The following EML2 variants were observed in gnomAD, a reference collection of about 807,000 sequenced individuals.
EML2 encodes the protein EMAP like 2.
Under a neutral mutation model 84.7 loss-of-function variants are expected in EML2, and 59 were observed. That is an observed-to-expected ratio of 0.70 (90% confidence interval 0.56 to 0.86). The LOEUF is 0.86. EML2 is among the 40% of genes least tolerant of loss of function. The pLI, the probability that EML2 is intolerant of heterozygous loss-of-function variation, is 0.00. For synonymous variants in EML2, 352 were observed against 348.9 expected (o/e 1.01, Z -0.10); for missense variants, 818 against 855.6 (o/e 0.96, Z 0.55).
At chr19:45,627,847 A>G (rs1024036591) in intron 7 of EML2, among the ~76,000 whole-genome samples, 3 of 151,448 alleles carry the variant, frequency 2.0e-5, no homozygotes, top group Non-Finnish European at 2.9e-5. Flanking sequence ...GGATCACCTG[A>G]GGTCGGGAGT....
At chr19:45,633,227 GGTTGA>G in intron 4 of EML2, 88 bp from the exon 5 acceptor site, 1 of 1,360,618 alleles carries the variant, frequency 7.3e-7, no homozygotes, top group Non-Finnish European at 1.0e-6. Flanking sequence ...CAAATTGGCT[GGTTGA>G]GTTTAGTCAA....
chr19:45,642,090 GC>G, upstream of EML2: 8 of 1,457,650 alleles, frequency 5.5e-6, no homozygotes, highest in Non-Finnish European at 6.3e-6. Context: ...TAAGGACCAG[GC>G]CCCGGTCCTC....
intron 6 of EML2, among the ~76,000 whole-genome samples, chr19:45,630,865 TA>T (rs1972948815): frequency 6.6e-6 from 1 of 152,176 alleles, no homozygotes; most frequent in African/African-American, 2.4e-5. Flanking sequence ...TATTTTATTT[TA>T]TTTTTTGAGA....
chr19:45,638,400 C>T lies in EML2; in HGVS notation c.179+105G>A, dbSNP rs971898962. On this transcript the variant is annotated intron_variant, in intron 3 of 18. Transcript: ENST00000245925. ...CAGGTCTCAAACTCTTGGCCTCAAA[C>T]GATCCTCCCAAAGTGCTGAGATTAC... 6.5e-6 allele frequency: 10 copies of T among 1,539,890 alleles called. No individual in the cohort carries two copies. In the African/African-American group the frequency reaches 9.5e-5, roughly 15 times the overall value.
chr19:45,612,627 T>C (rs1339105865), intron 18 of EML2, among the ~76,000 whole-genome samples: 2 of 152,018 alleles, frequency 1.3e-5, no homozygotes, highest in Non-Finnish European at 2.9e-5. Flanking sequence ...TGAGCCGAGA[T>C]TGTGCCATGC....
intron 17 of EML2, among the ~76,000 whole-genome samples, chr19:45,614,358 T>C (rs1217667617): frequency 6.6e-6 from 1 of 152,240 alleles, no homozygotes; most frequent in Non-Finnish European, 1.5e-5. Context: ...CCTGAATGAA[T>C]GGGTGGCTAG....
At chr19:45,621,691 C>T in intron 9 of EML2, 54 bp from the exon 10 acceptor site, 4 of 1,554,222 alleles carry the variant, frequency 2.6e-6, no homozygotes, top group Non-Finnish European at 2.6e-6. Flanking sequence ...CTATGCTGAC[C>T]CCTGAAAGCA....
At chr19:45,636,469 G>A (rs1486902450) in intron 3 of EML2, among the ~76,000 whole-genome samples, 1 of 152,084 alleles carries the variant, frequency 6.6e-6, no homozygotes, top group Non-Finnish European at 1.5e-5. Flanking sequence ...CCTCCAGGAA[G>A]CCCTCCATGA....
At chr19:45,619,416 T>C in intron 11 of EML2, 1 of 397,650 alleles carries the variant, frequency 2.5e-6, no homozygotes, top group Non-Finnish European at 4.5e-6. Flanking sequence ...CAGGGACCTC[T>C]GCTTTCTTCT....
chr19:45,624,851 C>T (rs1972120458), intron 8 of EML2, 33 bp from the exon 9 acceptor site: 16 of 1,522,266 alleles, frequency 1.1e-5, no homozygotes, highest in Non-Finnish European at 1.4e-5. Flanking sequence ...GGTGTCAGAG[C>T]GTCACTGAAG....
upstream of EML2, chr19:45,643,591 C>G (rs1974794516): frequency 6.5e-7 from 1 of 1,536,162 alleles, no homozygotes; most frequent in Non-Finnish European, 8.7e-7. Flanking sequence ...AGACTCATTG[C>G]TGACCACAAC....
rs528411722 is a variant in EML2 at position 45,619,113 on chromosome 19, C to T, written c.1201G>A (p.Val401Met). 2.1e-5 allele frequency: 34 copies of T among 1,613,426 alleles called. 2 individuals are homozygous for T. The South Asian group carries it at 3.5e-4, about 17-fold the overall frequency. The change falls in exon 12 of 19, where the codon GTG (valine) becomes ATG (methionine). Residue 401 changes from valine to methionine, a missense_variant. Coordinates refer to ENST00000245925, the MANE Select transcript of EML2 (RefSeq NM_012155.4). The part of the protein sequence containing the change: ...QFVTCGQDKL[V>M]HLWSSDSHQP... ...TGGGAATCTGAGCTCCATAGATGCA[C>T]CAGCTTATCCTGCCCGCAGGTCACA...
chr19:45,627,053 G>A (rs948569304), intron 7 of EML2, among the ~76,000 whole-genome samples: 1 of 150,652 alleles, frequency 6.6e-6, no homozygotes, highest in African/African-American at 2.4e-5. Flanking sequence ...TCCGCCTCCT[G>A]GGTTCAAGCG....
intron 2 of EML2, 105 bp downstream of exon 2, chr19:45,638,740 G>A: frequency 6.3e-7 from 1 of 1,587,042 alleles, no homozygotes; most frequent in East Asian, 2.2e-5. Context: ...GGAAACTGAG[G>A]CCAGAGAGGC....
Position 45,617,671 on chromosome 19 carries a change from G to T in EML2, c.1281C>A (p.His427Gln). 6.2e-7 allele frequency: 1 copy of T among 1,613,968 alleles called. No homozygotes were observed. Among genetic ancestry groups the T allele is most frequent in the Non-Finnish European group, 8.5e-7 (1 of 1,179,926 alleles). ...IEDPARSAGF[H>Q]PSGSVLAVGT... ...CCACAGCCAGGACAGAGCCACTGGG[G>T]TGGAAGCCGGCTGAGCGGGCAGGGT... Residue 427 changes from histidine (H) to glutamine (Q), a missense_variant, in exon 13 of 19, where the codon CAC (histidine) becomes CAA (glutamine). Coordinates refer to ENST00000245925, the MANE Select transcript of EML2 (RefSeq NM_012155.4).
chr19:45,619,103 C>T lies in EML2; in HGVS notation c.1211G>A (p.Trp404Ter). 1 of 1,613,548 alleles carries T rather than the reference C, an allele frequency of 6.2e-7. No individual in the cohort carries two copies. Among genetic ancestry groups the T allele is most frequent in the Non-Finnish European group, 8.5e-7 (1 of 1,179,876 alleles). The stretch of plus-strand genomic sequence containing the variant: ...CAGGGGCTGGTGGGAATCTGAGCTC[C>T]ATAGATGCACCAGCTTATCCTGCCC... ...TCGQDKLVHL[W>*]SSDSHQPLWS... The change falls in exon 12 of 19, where the codon TGG becomes TAG. Residue 404 changes from tryptophan (W) to a stop codon, truncating the protein, a stop_gained. Transcript: ENST00000245925. LOFTEE classifies it high-confidence loss of function.
At chr19:45,615,588 C>A (rs1048138077) in intron 16 of EML2, among the ~76,000 whole-genome samples, 1 of 151,250 alleles carries the variant, frequency 6.6e-6, no homozygotes, top group Non-Finnish European at 1.5e-5. Context: ...AAGAAACCTG[C>A]ATCCTACCCA....
rs148851431 is a variant in EML2, at chr19:45,618,872, G to A, written c.1254+188C>T. The A allele has an allele frequency of 4.4e-3, 1,957 of 446,978 alleles. 10 individuals carry two copies. Among genetic ancestry groups the A allele is most frequent in the Non-Finnish European group, 6.2e-3 (1,652 of 265,960 alleles). 27.7% of individuals were successfully genotyped at this position (446,978 alleles called of 1,614,324 possible). ...TGAGGCAGAAGAATCACTTGAACCC[G>A]GGAGGCGGAGGTTGCAGTGAGCCGA... is the stretch of plus-strand genomic sequence containing the variant. On this transcript the variant is annotated intron_variant, in intron 12 of 18. Coordinates refer to ENST00000245925, the MANE Select transcript of EML2 (RefSeq NM_012155.4).
intron 12 of EML2, among the ~76,000 whole-genome samples, chr19:45,617,938 C>T (rs1399335181): frequency 6.6e-6 from 1 of 152,244 alleles, no homozygotes; most frequent in African/African-American, 2.4e-5. Flanking sequence ...CTCCTTACTC[C>T]TCTTCTAAAT....
Sources: gnomAD v4.1 joint callset for allele counts (sites outside exome capture counted in the v4.1 genomes callset) on GRCh38, gnomAD v4.1.1 for gene constraint, MANE v1.5 for transcripts, NCBI Gene and HGNC (gene_info 2026-07-23, HGNC 2026-07-21) for gene names.